RUNX2: variants seen among roughly 807,000 people sequenced by gnomAD.
RUNX2 encodes the protein runt-related transcription factor 2.
A neutral mutation model predicts 51.7 loss-of-function variants in RUNX2; 10 were observed. That is an observed-to-expected ratio of 0.19 (90% CI 0.12 to 0.33). RUNX2 has a LOEUF of 0.33. Ranked by LOEUF, RUNX2 falls within the 10% of genes least tolerant of loss-of-function variation. The pLI is 1.00. For missense variants in RUNX2, 562 were observed against 691.3 expected, an observed-to-expected ratio of 0.81 and a Z score of 2.10; for synonymous variants, 276 against 273.6, an observed-to-expected ratio of 1.01 and a Z score of -0.09.
At chr6:45,496,132 T>C (rs533786438) in intron 6 of RUNX2, among the ~76,000 whole-genome samples, 7 of 152,274 alleles carry the variant, frequency 4.6e-5, no homozygotes, top group Admixed American at 3.3e-4. Flanking sequence ...AAAGCGGCGA[T>C]AGCAATAGAG....
At chr6:45,454,426 T>C (rs1582129133) in intron 5 of RUNX2, among the ~76,000 whole-genome samples, 1 of 152,320 alleles carries the variant, frequency 6.6e-6, no homozygotes, top group East Asian at 1.9e-4. Flanking sequence ...AGGAAGGAAA[T>C]CTGATGATCT....
chr6:45,471,207 T>C (rs1354352847), intron 5 of RUNX2, among the ~76,000 whole-genome samples: 3 of 152,164 alleles, frequency 2.0e-5, no homozygotes, highest in African/African-American at 7.2e-5. Flanking sequence ...TTCCACTCAT[T>C]GATGTCACCA....
intron 7 of RUNX2, among the ~76,000 whole-genome samples, chr6:45,521,870 G>A (rs950865939): frequency 6.6e-6 from 1 of 152,060 alleles, no homozygotes; most frequent in African/African-American, 2.4e-5. Context: ...AGGCTTTAGT[G>A]GCCTTTGTTC....
intron 5 of RUNX2, among the ~76,000 whole-genome samples, chr6:45,479,163 C>G (rs1800040580): frequency 6.6e-6 from 1 of 152,100 alleles, no homozygotes. Flanking sequence ...TGAGAACATT[C>G]TCAATGAAAG....
chr6:45,539,647 G>T (rs2150446523), intron 7 of RUNX2, among the ~76,000 whole-genome samples: 1 of 152,294 alleles, frequency 6.6e-6, no homozygotes, highest in Non-Finnish European at 1.5e-5. Context: ...GTAATATTTT[G>T]CATATAGTCT....
chr6:45,383,132 A>G (rs1797275942), intron 2 of RUNX2, among the ~76,000 whole-genome samples: 1 of 152,182 alleles, frequency 6.6e-6, no homozygotes, highest in Non-Finnish European at 1.5e-5. Context: ...ATGTTTTGCC[A>G]TCAAAAATAA....
At chr6:45,498,408 T>A (rs1432762073) in intron 6 of RUNX2, among the ~76,000 whole-genome samples, 1 of 152,208 alleles carries the variant, frequency 6.6e-6, no homozygotes, top group Non-Finnish European at 1.5e-5. Context: ...TAGGTTGGGC[T>A]TGTTGCCAAC....
At chr6:45,372,283 G>A (rs900914490) in intron 2 of RUNX2, among the ~76,000 whole-genome samples, 1 of 152,130 alleles carries the variant, frequency 6.6e-6, no homozygotes. Context: ...AATAACATAC[G>A]TAAAGCCCTT....
chr6:45,529,256 A>G (rs1357741568), intron 7 of RUNX2, among the ~76,000 whole-genome samples: 1 of 152,196 alleles, frequency 6.6e-6, no homozygotes, highest in Non-Finnish European at 1.5e-5. Flanking sequence ...GAAAACTATT[A>G]CAGCCATTTG....
At position 45,333,929 on chromosome 6, in the gene RUNX2, C is replaced by T. The variant is rs1262712814; in HGVS notation, c.58+5145C>T. 3.3e-5 allele frequency among the ~76,000 whole-genome samples: 5 copies of T among 151,152 alleles called. No homozygotes were observed. In the East Asian group the frequency reaches 5.8e-4, roughly 18 times the overall value. ...GATTTTCATCTTTTAAATCAACTGC[C>T]CACAAAACAAGGAAATCTCTGACAT... On this transcript the variant is annotated intron_variant, in intron 2 of 8. Coordinates refer to ENST00000647337, the MANE Select transcript of RUNX2 (RefSeq NM_001024630.4).
chr6:45,378,061 G>C (rs1237755346), intron 2 of RUNX2: 1 of 152,186 alleles, frequency 6.6e-6, no homozygotes, highest in South Asian at 2.1e-4. Context: ...TGCGCGCTTG[G>C]CCAGGTGGCG....
intron 6 of RUNX2, among the ~76,000 whole-genome samples, chr6:45,510,893 A>C (rs1327112765): frequency 6.6e-6 from 1 of 152,118 alleles, no homozygotes; most frequent in East Asian, 1.9e-4. Context: ...ACAGATGAGG[A>C]AACTGAGGCT....
intron 6 of RUNX2, among the ~76,000 whole-genome samples, chr6:45,502,441 G>C (rs966921159): frequency 1.3e-5 from 2 of 152,156 alleles, no homozygotes; most frequent in African/African-American, 4.8e-5. Flanking sequence ...TAAACATACA[G>C]ATGCCCAGGT....
At chr6:45,361,019 T>C (rs1794156616) in intron 2 of RUNX2, among the ~76,000 whole-genome samples, 2 of 152,138 alleles carry the variant, frequency 1.3e-5, no homozygotes, top group African/African-American at 4.8e-5. Context: ...ATGCCTGTAG[T>C]CCAAGCTACT....
intron 8 of RUNX2, 100 bp downstream of exon 8, chr6:45,545,382 T>C: frequency 1.6e-6 from 2 of 1,287,988 alleles, no homozygotes; most frequent in South Asian, 1.5e-5. Flanking sequence ...TATATGTTGC[T>C]TTTAAAGAGT....
At chr6:45,364,298 A>G (rs999811303) in intron 2 of RUNX2, among the ~76,000 whole-genome samples, 1 of 152,196 alleles carries the variant, frequency 6.6e-6, no homozygotes, top group African/African-American at 2.4e-5. Context: ...TCATGCAATT[A>G]TAAGACATCT....
At position 45,368,649 on chromosome 6, in the gene RUNX2, C is replaced by A. The variant is rs561685736; in HGVS notation, c.58+39865C>A. On this transcript the variant is annotated intron_variant, in intron 2 of 8. Transcript: ENST00000647337. ...TGCACCCTCCAAACATCATCAAAATCTGGACTGTGAAAACTATCAGTCAAT... is the reference window on the plus strand; with the variant it reads ...TGCACCCTCCAAACATCATCAAAATATGGACTGTGAAAACTATCAGTCAAT... Among the ~76,000 whole-genome samples, 10 of 152,212 alleles carry A rather than the reference C, an allele frequency of 6.6e-5. 1 individual carries two copies. The South Asian group carries it at 2.1e-3, about 32-fold the overall frequency.
intron 2 of RUNX2, among the ~76,000 whole-genome samples, chr6:45,397,298 A>T (rs1582068947): frequency 6.6e-6 from 1 of 151,468 alleles, no homozygotes; most frequent in South Asian, 2.1e-4. Context: ...TTTAGTAGAG[A>T]TGGGGTTTCA....
At chr6:45,414,991 G>A (rs1362114036) in intron 2 of RUNX2, among the ~76,000 whole-genome samples, 1 of 151,678 alleles carries the variant, frequency 6.6e-6, no homozygotes, top group Non-Finnish European at 1.5e-5. Flanking sequence ...TAAAATATAT[G>A]TCCTCTAATT....
Sources: allele counts gnomAD v4.1 joint callset (sites outside exome capture counted in the v4.1 genomes callset), GRCh38; gene constraint gnomAD v4.1.1; transcripts MANE v1.5; gene names NCBI Gene and HGNC (gene_info 2026-07-23, HGNC 2026-07-21).